The following CWF19L1 variants were observed in gnomAD, a reference collection of about 807,000 sequenced individuals.
CWF19L1 encodes CWF19 like cell cycle control factor 1, also known as CWF19-like protein 1.
Under a neutral mutation model 69.7 loss-of-function variants are expected in CWF19L1, and 60 were observed. The ratio of observed to expected loss-of-function variants is 0.86; its 90% CI spans 0.70 to 1.07. CWF19L1 has a LOEUF of 1.07. Among genes scored for constraint, CWF19L1 ranks in the 50% least tolerant of loss-of-function variants. The probability of loss-of-function intolerance (pLI) is 0.00; values close to 1 mark genes in which losing one functional copy is unlikely to be tolerated. For synonymous variants in CWF19L1, 209 were observed against 222.2 expected (o/e 0.94, Z 0.53); for missense variants, 591 against 638.9 (o/e 0.92, Z 0.81).
chr10:100,246,819 T>A lies in CWF19L1; in HGVS notation c.825A>T (p.Ile275=). 6.2e-7 allele frequency: 1 copy of A among 1,614,034 alleles called. No individual in the cohort carries two copies. The highest frequency in any genetic ancestry group is 1.1e-5 in the South Asian group (1 of 91,074). The change falls in exon 8 of 14, where the codon ATA becomes ATT. Residue 275 remains isoleucine, a synonymous_variant. Coordinates refer to ENST00000354105, the MANE Select transcript of CWF19L1 (RefSeq NM_018294.6). The part of the protein sequence containing the change: ...PYRKSGQEAS[I]GKQILAPVEE... The stretch of plus-strand genomic sequence containing the variant: ...CCACAGGGGCAAGAATTTGCTTTCC[T>A]ATGGATGCTTCCTGCCCAGATTTTC...
intron 10 of CWF19L1, among the ~76,000 whole-genome samples, chr10:100,243,323 G>A (rs891427205): frequency 3.3e-5 from 5 of 152,176 alleles, no homozygotes; most frequent in Non-Finnish European, 7.3e-5. Flanking sequence ...GATACATGCT[G>A]CAACATGGAT....
chr10:100,261,894 C>A, intron 2 of CWF19L1, 85 bp downstream of exon 2: 1 of 1,166,346 alleles, frequency 8.6e-7, no homozygotes. Flanking sequence ...GGTATGTGTT[C>A]AATCAAGACT....
At chr10:100,261,908 A>T in intron 2 of CWF19L1, 71 bp downstream of exon 2, 1 of 1,317,476 alleles carries the variant, frequency 7.6e-7, no homozygotes, top group Non-Finnish European at 1.0e-6. Context: ...CAAGACTTAA[A>T]GGAGTGCAAA....
chr10:100,232,368 G>C lies in CWF19L1; in HGVS notation c.*859C>G, dbSNP rs1378781946. 1 of 152,238 alleles carries C rather than the reference G, an allele frequency of 6.6e-6. No homozygotes were observed. The highest frequency in any genetic ancestry group is 1.5e-5 in the Non-Finnish European group (1 of 68,040). 9.4% of individuals were successfully genotyped at this position (152,238 alleles called of 1,614,324 possible). On this transcript the variant is annotated 3_prime_UTR_variant, in exon 14 of 14. Transcript: ENST00000354105. ...TTGAAAATGTTGATATACACAAGCT[G>C]TACTTGGAGCTGGATAACAGACATA...
rs1290672743 is a variant in CWF19L1 at position 100,250,087 on chromosome 10, G to A, written c.708+161C>T. 8 of 648,420 alleles carry A rather than the reference G, an allele frequency of 1.2e-5. No homozygotes were observed. In the Admixed American group the frequency reaches 2.2e-4, roughly 18 times the overall value. The allele number at this position is 648,420 out of a possible 1,614,324, so 40.2% of individuals were successfully genotyped here. On this transcript the variant is annotated intron_variant, in intron 7 of 13. Coordinates refer to ENST00000354105, the MANE Select transcript of CWF19L1 (RefSeq NM_018294.6). ...ACTCTCCTACAAAAAGACCCAAAGAGACTTGACCTTTCATTACCATACCTT... is the reference window on the plus strand; with the variant it reads ...ACTCTCCTACAAAAAGACCCAAAGAAACTTGACCTTTCATTACCATACCTT...
At chr10:100,240,104 TCTC>T (rs1422522699) in intron 10 of CWF19L1, among the ~76,000 whole-genome samples, 1 of 152,198 alleles carries the variant, frequency 6.6e-6, no homozygotes, top group Non-Finnish European at 1.5e-5. Flanking sequence ...GCTTGCCTAA[TCTC>T]CTCTCTCTTT....
At position 100,260,955 on chromosome 10, in the gene CWF19L1, A is replaced by G; in HGVS notation, c.187+11T>C. ...TAGAAATCATATGTTAAATAAAAAT[A>G]ATTTCTATACCTTTCTTGATGCCAG... is the stretch of plus-strand genomic sequence containing the variant. On this transcript the variant is annotated intron_variant, in intron 3 of 13. Coordinates refer to ENST00000354105, the MANE Select transcript of CWF19L1 (RefSeq NM_018294.6). The G allele has an allele frequency of 6.5e-7, 1 of 1,547,440 alleles. No individual in the cohort carries two copies. The highest frequency in any genetic ancestry group is 1.2e-5 in the South Asian group (1 of 84,566).
At chr10:100,252,956 G>T (rs950592611) in intron 6 of CWF19L1, among the ~76,000 whole-genome samples, 4 of 152,002 alleles carry the variant, frequency 2.6e-5, no homozygotes, top group Non-Finnish European at 5.9e-5. Flanking sequence ...TGTATATACT[G>T]TGGGATGGCT....
intron 6 of CWF19L1, 36 bp downstream of exon 6, chr10:100,253,385 T>G (rs1305731069): frequency 6.4e-6 from 8 of 1,256,072 alleles, no homozygotes; most frequent in Non-Finnish European, 9.3e-6. Flanking sequence ...CATGGCAAAT[T>G]CTTCAAAAAG....
intron 8 of CWF19L1, 162 bp from the exon 9 acceptor site, chr10:100,246,075 T>C (rs887625726): frequency 1.1e-5 from 6 of 569,550 alleles, no homozygotes; most frequent in African/African-American, 9.4e-5. Flanking sequence ...CCAGTTCTGA[T>C]GCCTGAAGTC....
intron 3 of CWF19L1, 52 bp downstream of exon 3, chr10:100,260,914 G>T: frequency 1.8e-6 from 2 of 1,111,804 alleles, no homozygotes; most frequent in South Asian, 1.4e-5. Flanking sequence ...AAGAACTCTG[G>T]CCCTTGAAAT....
rs1847423867 is a variant in CWF19L1 at position 100,262,145 on chromosome 10, T to C, written c.24-82A>G. On this transcript the variant is annotated intron_variant, in intron 1 of 13. Coordinates refer to ENST00000354105, the MANE Select transcript of CWF19L1 (RefSeq NM_018294.6). ...TTTGGTATATACTGGTCTTTTGGATTAGATAGATACATGATCTAGTCTCTC... is the reference window on the plus strand; with the variant it reads ...TTTGGTATATACTGGTCTTTTGGATCAGATAGATACATGATCTAGTCTCTC... 3.3e-6 allele frequency: 5 copies of C among 1,523,166 alleles called. No homozygotes were observed. The East Asian group carries it at 1.2e-4, about 36-fold the overall frequency. 94.4% of individuals were successfully genotyped at this position (1,523,166 alleles called of 1,614,324 possible). A position where few individuals can be genotyped will look rare whatever the true frequency, so the allele number is the denominator to read the frequency against.
In CWF19L1 at chr10:100,238,856, C is replaced by T. The variant is rs181644099; in HGVS notation, c.1045-625G>A. On this transcript the variant is annotated intron_variant, in intron 10 of 13. Transcript: ENST00000354105. ...CTGAGACAGGAGAATTGCTTGAACCCGGGAGGCAGAGGTTGCAGTGAGCCG... is the reference window on the plus strand; with the variant it reads ...CTGAGACAGGAGAATTGCTTGAACCTGGGAGGCAGAGGTTGCAGTGAGCCG... Among the ~76,000 whole-genome samples the T allele has an allele frequency of 5.2e-3, 772 of 149,086 alleles. 12 individuals carry two copies. The highest frequency in any genetic ancestry group is 0.018 in the African/African-American group (706 of 40,052).
At chr10:100,247,075 C>G (rs566833449) in intron 7 of CWF19L1, 140 bp from the exon 8 acceptor site, 132 of 724,708 alleles carry the variant, frequency 1.8e-4, no homozygotes, top group Non-Finnish European at 2.6e-4. Flanking sequence ...CCATCCATAG[C>G]TCAGAGAGTA....
intron 1 of CWF19L1, 143 bp from the exon 2 acceptor site, chr10:100,262,206 A>T (rs1847426497): frequency 7.3e-7 from 1 of 1,371,746 alleles, no homozygotes; most frequent in African/African-American, 1.5e-5. Flanking sequence ...CACGTAAACC[A>T]CTGGGCAGAT....
intron 6 of CWF19L1, among the ~76,000 whole-genome samples, chr10:100,252,543 A>G (rs536739828): frequency 7.2e-5 from 11 of 151,848 alleles, no homozygotes; most frequent in Non-Finnish European, 1.2e-4. Context: ...ATAAAAAAAA[A>G]TATTTTCTTG....
intron 1 of CWF19L1, among the ~76,000 whole-genome samples, chr10:100,265,031 G>A (rs1847525171): frequency 6.6e-6 from 1 of 151,450 alleles, no homozygotes; most frequent in Non-Finnish European, 1.5e-5. Flanking sequence ...TGAAGTGGGA[G>A]AATCACTTGA....
At chr10:100,256,511 G>A (rs2270961) in intron 4 of CWF19L1, 35 bp from the exon 5 acceptor site, 799,010 of 1,566,806 alleles carry the variant, frequency 0.51, 208,051 homozygotes, top group African/African-American at 0.73. Context: ...ATTTTAGTCA[G>A]AATTGCAGAA....
chr10:100,267,619 T>A lies in CWF19L1; in HGVS notation c.-26A>T. ...CTGTCCGAATAGTATGGGTTGCGAC[T>A]GCCACCTAAAATTGGGAATGCGAAT... On this transcript the variant is annotated 5_prime_UTR_variant, in exon 1 of 14. Coordinates refer to ENST00000354105, the MANE Select transcript of CWF19L1 (RefSeq NM_018294.6). 6.2e-7 allele frequency: 1 copy of A among 1,614,152 alleles called. No homozygotes were observed. The highest frequency in any genetic ancestry group is 8.5e-7 in the Non-Finnish European group (1 of 1,179,984).
Sources: gnomAD v4.1 joint callset for allele counts (sites outside exome capture counted in the v4.1 genomes callset) on GRCh38, gnomAD v4.1.1 for gene constraint, MANE v1.5 for transcripts, NCBI Gene and HGNC (gene_info 2026-07-23, HGNC 2026-07-21) for gene names.